CDC42BPB: variants seen among roughly 807,000 people sequenced by gnomAD.
The protein encoded by CDC42BPB is serine/threonine-protein kinase MRCK beta.
A neutral mutation model predicts 214.9 loss-of-function variants in CDC42BPB; 37 were observed. The observed-to-expected ratio is 0.17, with a 90% CI of 0.13 to 0.23. The LOEUF is 0.23. Ranked by LOEUF, CDC42BPB falls within the 10% of genes least tolerant of loss-of-function variation. The probability of loss-of-function intolerance (pLI) is 1.00; values close to 1 mark genes in which losing one functional copy is unlikely to be tolerated. For missense variants in CDC42BPB, 1,694 were observed against 2,227.0 expected (o/e 0.76, Z 4.82); for synonymous variants, 931 against 884.0 (o/e 1.05, Z -0.94).
At chr14:103,047,278 T>TGTCTC (rs1473613298) in intron 1 of CDC42BPB, among the ~76,000 whole-genome samples, 2 of 74,722 alleles carry the variant, frequency 2.7e-5, no homozygotes, top group African/African-American at 1.6e-4. Flanking sequence ...AGTAATACTC[T>TGTCTC]CAAAAAAAAA....
At chr14:103,017,854 T>C (rs1886551287) in intron 1 of CDC42BPB, among the ~76,000 whole-genome samples, 3 of 152,232 alleles carry the variant, frequency 2.0e-5, no homozygotes, top group African/African-American at 7.2e-5. Flanking sequence ...GAAGGTTAGA[T>C]ACAGCAATGT....
rs750554845 is a variant in CDC42BPB at position 103,026,697 on chromosome 14, AC to A, written c.176-14510del. Among the ~76,000 whole-genome samples, 186 of 152,090 alleles carry A rather than the reference AC, an allele frequency of 1.2e-3. 1 individual carries two copies. Among genetic ancestry groups the A allele is most frequent in the Admixed American group, 2.6e-3 (40 of 15,278 alleles). ...GCTAACACAGTGAAACCCCGTCTCT[AC>A]TAAAAATATTTTTTAAAAAATTAGC... On this transcript the variant is annotated intron_variant, in intron 1 of 36. Transcript: ENST00000361246.
chr14:102,970,030 G>T, intron 14 of CDC42BPB, 121 bp downstream of exon 14: 1 of 754,358 alleles, frequency 1.3e-6, no homozygotes, highest in Non-Finnish European at 2.2e-6. Flanking sequence ...GGTCTTGTCT[G>T]AACAGCCTCG....
Position 103,000,202 on chromosome 14 carries a change from G to T in CDC42BPB, c.448-489C>A, listed in dbSNP as rs1229861482. Among the ~76,000 whole-genome samples, 6 of 152,352 alleles carry T rather than the reference G, an allele frequency of 3.9e-5. No homozygotes were observed. In the South Asian group the frequency reaches 1.0e-3, roughly 26 times the overall value. On this transcript the variant is annotated intron_variant, in intron 4 of 36. Coordinates refer to ENST00000361246, the MANE Select transcript of CDC42BPB (RefSeq NM_006035.4). ...AGAGCCGAAAGATAATTACTTATAG[G>T]TTCACTCCAACAGAAACCTCAGAAA...
At chr14:102,976,382 C>T (rs34864547) in intron 9 of CDC42BPB, among the ~76,000 whole-genome samples, 5,226 of 152,338 alleles carry the variant, frequency 0.034, 298 homozygotes, top group African/African-American at 0.12. Context: ...AGCCCCAGCT[C>T]GTCTGCAGGT....
intron 1 of CDC42BPB, among the ~76,000 whole-genome samples, 174 bp downstream of exon 1, chr14:103,056,825 G>A (rs1889002599): frequency 6.6e-6 from 1 of 151,774 alleles, no homozygotes; most frequent in East Asian, 2.0e-4. Context: ...GCTGGAGAGA[G>A]ATGGGCTGCG....
chr14:102,952,647 T>C (rs1892542256), intron 23 of CDC42BPB, 44 bp from the exon 24 acceptor site: 9 of 1,591,568 alleles, frequency 5.7e-6, no homozygotes, highest in Non-Finnish European at 7.7e-6. Context: ...CCATGGACTC[T>C]TGAGAGTCAG....
rs139323146 is a variant in CDC42BPB at position 102,939,714 on chromosome 14, C to G, written c.4723G>C (p.Asp1575His). ...ATCATTTTGGATCTCAATTCTGGGT[C>G]TCTAAGCATCTCTCTGGGGAAAGGA... ...RLQQRREMLRDPELRSKMISN... is the reference protein window; with the variant it reads ...RLQQRREMLRHPELRSKMISN... The change falls in exon 34 of 37, where the codon GAC becomes CAC. Residue 1575 changes from aspartate to histidine, a missense_variant. By Grantham distance (81) the Asp-to-His change is moderately conservative (BLOSUM62 -1). Around this residue, in one of 7 missense-constraint regions of CDC42BPB, gnomAD observed 567 missense variants for 790.3 expected, o/e 0.72. Coordinates refer to ENST00000361246, the MANE Select transcript of CDC42BPB (RefSeq NM_006035.4). 1.8e-3 allele frequency: 2,877 copies of G among 1,614,158 alleles called. 7 individuals carry two copies. The highest frequency in any genetic ancestry group is 2.3e-3 in the Non-Finnish European group (2,715 of 1,180,024).
At chr14:102,955,697 C>A (rs1566855477) in intron 21 of CDC42BPB, among the ~76,000 whole-genome samples, 1 of 152,216 alleles carries the variant, frequency 6.6e-6, no homozygotes, top group African/African-American at 2.4e-5. Flanking sequence ...AGTTTATCAT[C>A]ACAGGCCACT....
chr14:103,034,255 T>C (rs1240661795), intron 1 of CDC42BPB, among the ~76,000 whole-genome samples: 1 of 152,232 alleles, frequency 6.6e-6, no homozygotes, highest in Admixed American at 6.5e-5. Context: ...TGATGGCTCA[T>C]GCCTATTCCC....
intron 1 of CDC42BPB, among the ~76,000 whole-genome samples, chr14:103,048,530 T>TAAAAA (rs1262301665): frequency 7.0e-4 from 4 of 5,708 alleles, no homozygotes; most frequent in East Asian, 3.2e-3. Context: ...CTACTAAAAA[T>TAAAAA]ACAAAAAAAA....
intron 27 of CDC42BPB, among the ~76,000 whole-genome samples, chr14:102,947,063 C>G (rs1287662778): frequency 6.6e-6 from 1 of 152,262 alleles, no homozygotes; most frequent in South Asian, 2.1e-4. Flanking sequence ...TCCCTGTGAG[C>G]AGCCTCTGAG....
intron 7 of CDC42BPB, among the ~76,000 whole-genome samples, chr14:102,983,010 C>T (rs559466143): frequency 9.5e-4 from 145 of 151,986 alleles, no homozygotes; most frequent in African/African-American, 3.2e-3. Flanking sequence ...GTGAACAGTT[C>T]GGAAAGGGAA....
chr14:102,953,612 G>A (rs1047206000), intron 23 of CDC42BPB, among the ~76,000 whole-genome samples: 25 of 152,298 alleles, frequency 1.6e-4, no homozygotes, highest in Admixed American at 1.2e-3. Context: ...TCAGGGGCCC[G>A]TCACCCTGGA....
At chr14:103,031,990 A>ATTTT (rs1192491008) in intron 1 of CDC42BPB, among the ~76,000 whole-genome samples, 2 of 131,568 alleles carry the variant, frequency 1.5e-5, no homozygotes, top group African/African-American at 3.7e-5. Flanking sequence ...TATTATTATT[A>ATTTT]TTTTTTTTTT....
chr14:102,968,173 C>A, intron 16 of CDC42BPB, 80 bp downstream of exon 16: 1 of 928,942 alleles, frequency 1.1e-6, no homozygotes, highest in South Asian at 1.4e-5. Flanking sequence ...CTACTATGTA[C>A]CCACACAAAT....
intron 35 of CDC42BPB, 46 bp from the exon 36 acceptor site, chr14:102,938,220 G>A (rs1269035062): frequency 5.6e-6 from 9 of 1,606,134 alleles, no homozygotes; most frequent in Non-Finnish European, 7.7e-6. Context: ...AGTCAAGAAC[G>A]GAATCAAATG....
At chr14:103,000,374 C>T (rs926068933) in intron 4 of CDC42BPB, among the ~76,000 whole-genome samples, 1 of 152,264 alleles carries the variant, frequency 6.6e-6, no homozygotes, top group Non-Finnish European at 1.5e-5. Context: ...GCGTAGAGCT[C>T]TGCCTGAGGA....
chr14:102,996,579 G>A (rs185279816), intron 5 of CDC42BPB, among the ~76,000 whole-genome samples: 251 of 152,136 alleles, frequency 1.6e-3, no homozygotes, highest in Non-Finnish European at 2.5e-3. Context: ...TTGGGAGGCC[G>A]AGGTGGGTGG....
Sources: gnomAD v4.1 joint callset for allele counts (sites outside exome capture counted in the v4.1 genomes callset) on GRCh38, gnomAD v4.1.1 for gene constraint, gnomAD v4.1.1 regional missense constraint, MANE v1.5 for transcripts, NCBI Gene and HGNC (gene_info 2026-07-23, HGNC 2026-07-21) for gene names.